CTNNA2: variants seen among roughly 807,000 people sequenced by gnomAD.
The protein encoded by CTNNA2 is catenin alpha 2.
In CTNNA2, 42 loss-of-function variants were observed where a neutral mutation model predicts 101.0. The observed-to-expected ratio is 0.42, with a 90% CI of 0.32 to 0.54. The LOEUF (loss-of-function observed/expected upper bound fraction) is 0.54. Among genes scored for constraint, CTNNA2 ranks in the 20% least tolerant of loss-of-function variants. CTNNA2 has a pLI of 0.14. For missense variants in CTNNA2, 871 were observed against 1,223.1 expected, an observed-to-expected ratio of 0.71 and a Z score of 4.29; for synonymous variants, 450 against 456.4, an observed-to-expected ratio of 0.99 and a Z score of 0.18.
chr2:80,194,386 A>G (rs1437606174), intron 7 of CTNNA2, among the ~76,000 whole-genome samples: 1 of 152,144 alleles, frequency 6.6e-6, no homozygotes, highest in Non-Finnish European at 1.5e-5. Context: ...TTAATGTGAG[A>G]TGTTCTTAGG....
intron 7 of CTNNA2, among the ~76,000 whole-genome samples, chr2:80,038,442 C>A (rs972228522): frequency 6.6e-6 from 1 of 152,078 alleles, no homozygotes; most frequent in African/African-American, 2.4e-5. Flanking sequence ...AATGTGAGGC[C>A]GGGCGCGGTG....
rs747000534 is a variant in CTNNA2 at position 79,980,423 on chromosome 2, GT to G, written c.1056+70630del. Among the ~76,000 whole-genome samples the G allele has an allele frequency of 2.0e-3, 299 of 152,154 alleles. 4 individuals carry two copies. Among genetic ancestry groups the G allele is most frequent in the Admixed American group, 0.017 (260 of 15,274 alleles). The stretch of plus-strand genomic sequence containing the variant: ...AGTACTGGTAATATCAACCTCATTG[GT>G]TTTAATATTTTTAACTCCAAAGCCC... On this transcript the variant is annotated intron_variant, in intron 7 of 18. Coordinates refer to ENST00000402739, the MANE Select transcript of CTNNA2 (RefSeq NM_001282597.3).
upstream of CTNNA2, among the ~76,000 whole-genome samples, chr2:79,512,033 G>A (rs1573207779): frequency 6.6e-6 from 1 of 152,150 alleles, no homozygotes; most frequent in East Asian, 1.9e-4. Flanking sequence ...CACTGTGGCA[G>A]AACAAAGATG....
chr2:80,261,367 G>A (rs1672592761), intron 7 of CTNNA2, among the ~76,000 whole-genome samples: 1 of 151,882 alleles, frequency 6.6e-6, no homozygotes, highest in South Asian at 2.1e-4. Context: ...TCTGCTTGCT[G>A]GCTTAGGTTG....
At chr2:79,927,448 G>A (rs1022751520) in intron 7 of CTNNA2, among the ~76,000 whole-genome samples, 70 of 152,046 alleles carry the variant, frequency 4.6e-4, no homozygotes, top group African/African-American at 1.7e-3. Context: ...CTGAACTACA[G>A]AGAAGACAGT....
intron 4 of CTNNA2, among the ~76,000 whole-genome samples, chr2:79,430,749 A>G (rs1195744508): frequency 1.3e-5 from 2 of 152,138 alleles, no homozygotes; most frequent in East Asian, 1.9e-4. Flanking sequence ...TGAAATGCCT[A>G]AGGAAGGTAT....
chr2:80,261,669 TAA>T (rs1672618434), intron 7 of CTNNA2, among the ~76,000 whole-genome samples: 1 of 152,192 alleles, frequency 6.6e-6, no homozygotes, highest in African/African-American at 2.4e-5. Flanking sequence ...TCCAGTGTTA[TAA>T]AGAGATCACT....
intron 1 of CTNNA2, among the ~76,000 whole-genome samples, chr2:79,568,455 T>C (rs539412825): frequency 6.6e-6 from 1 of 150,924 alleles, no homozygotes; most frequent in African/African-American, 2.4e-5. Context: ...TGCAAAAAAT[T>C]AGCCAGTAGT....
intron 7 of CTNNA2, among the ~76,000 whole-genome samples, chr2:80,012,704 G>T (rs1020875606): frequency 6.6e-6 from 1 of 152,032 alleles, no homozygotes; most frequent in Admixed American, 6.6e-5. Context: ...AGTTTTTGTC[G>T]ATTCCTCTTC....
At chr2:80,136,994 A>C (rs1702732569) in intron 7 of CTNNA2, among the ~76,000 whole-genome samples, 1 of 152,170 alleles carries the variant, frequency 6.6e-6, no homozygotes, top group Non-Finnish European at 1.5e-5. Context: ...ATGTGAAAAG[A>C]TCTTCTTTCC....
At chr2:79,898,452 A>T (rs1300023573) in intron 6 of CTNNA2, among the ~76,000 whole-genome samples, 1 of 151,962 alleles carries the variant, frequency 6.6e-6, no homozygotes, top group African/African-American at 2.4e-5. Context: ...GATTATATTG[A>T]TGCTTGATCT....
At chr2:79,285,883 G>T (rs1302460377) in intron 2 of CTNNA2, among the ~76,000 whole-genome samples, 1 of 146,942 alleles carries the variant, frequency 6.8e-6, no homozygotes, top group Non-Finnish European at 1.5e-5. Context: ...TAATGTGTGG[G>T]AGTCTAAGTC....
intron 4 of CTNNA2, among the ~76,000 whole-genome samples, chr2:79,864,276 C>A (rs1205314249): frequency 6.6e-6 from 1 of 152,104 alleles, no homozygotes; most frequent in Non-Finnish European, 1.5e-5. Flanking sequence ...AAGAGCTTTA[C>A]GAACCAAGGA....
intron 14 of CTNNA2, among the ~76,000 whole-genome samples, chr2:80,588,807 C>A (rs990727822): frequency 3.9e-5 from 6 of 152,144 alleles, no homozygotes; most frequent in African/African-American, 1.4e-4. Context: ...TAGACACCTT[C>A]ACTTACACTC....
intron 4 of CTNNA2, among the ~76,000 whole-genome samples, chr2:79,390,916 A>G (rs1443802154): frequency 1.3e-5 from 2 of 152,170 alleles, no homozygotes; most frequent in Non-Finnish European, 2.9e-5. Flanking sequence ...TGATTGATGC[A>G]TTGATTGATT....
intron 4 of CTNNA2, among the ~76,000 whole-genome samples, chr2:79,483,209 C>G (rs1671126523): frequency 6.6e-6 from 1 of 152,214 alleles, no homozygotes; most frequent in South Asian, 2.1e-4. Context: ...GAGCAATACA[C>G]TAACTTTTAA....
intron 7 of CTNNA2, among the ~76,000 whole-genome samples, chr2:80,259,981 G>C (rs540670087): frequency 1.3e-5 from 2 of 152,266 alleles, no homozygotes; most frequent in South Asian, 2.1e-4. Flanking sequence ...CTGCCACCTC[G>C]TGAGCCCTTA....
intron 3 of CTNNA2, among the ~76,000 whole-genome samples, chr2:79,827,462 C>T (rs887172390): frequency 1.3e-5 from 2 of 152,178 alleles, no homozygotes; most frequent in Non-Finnish European, 2.9e-5. Context: ...ATTAGCAAGA[C>T]TTAAGGGAGC....
chr2:79,456,879 G>A (rs565404475), intron 4 of CTNNA2, among the ~76,000 whole-genome samples: 4 of 152,248 alleles, frequency 2.6e-5, no homozygotes, highest in Non-Finnish European at 4.4e-5. Flanking sequence ...TACAAATAGA[G>A]TGAAAACAGG....
Sources: allele counts gnomAD v4.1 joint callset (sites outside exome capture counted in the v4.1 genomes callset), GRCh38; gene constraint gnomAD v4.1.1; transcripts MANE v1.5; gene names NCBI Gene and HGNC (gene_info 2026-07-23, HGNC 2026-07-21).